BMPR2: variants seen among roughly 807,000 people sequenced by gnomAD.
BMPR2 encodes bone morphogenetic protein receptor type 2.
A neutral mutation model predicts 100.8 loss-of-function variants in BMPR2; 29 were observed. The observed-to-expected ratio is 0.29, with a 90% confidence interval of 0.21 to 0.39. The LOEUF (loss-of-function observed/expected upper bound fraction) is 0.39. BMPR2 is among the 10% of genes least tolerant of loss of function. The pLI, the probability that BMPR2 is intolerant of heterozygous loss-of-function variation, is 1.00. For synonymous variants in BMPR2, 382 were observed against 442.3 expected, an observed-to-expected ratio of 0.86 and a Z score of 1.71; for missense variants, 1,011 against 1,274.5, an observed-to-expected ratio of 0.79 and a Z score of 3.15.
intron 6 of BMPR2, 89 bp downstream of exon 6, chr2:202,519,141 C>T: frequency 7.5e-7 from 1 of 1,326,892 alleles, no homozygotes; most frequent in South Asian, 1.2e-5. Context: ...GCAGGTGGAT[C>T]ACTTGAGGCC....
At chr2:202,461,769 GA>G (rs552296062) in intron 1 of BMPR2, among the ~76,000 whole-genome samples, 1 of 151,524 alleles carries the variant, frequency 6.6e-6, no homozygotes, top group East Asian at 1.9e-4. Context: ...CTAATGATAA[GA>G]AAAAAAGAAA....
rs768641807 is a variant in BMPR2 at position 202,524,361 on chromosome 2, C to CAA, written c.967+4175_967+4176dup. On this transcript the variant is annotated intron_variant, in intron 7 of 12. Transcript: ENST00000374580. ...TGGGCGACAGATCGAGAGTCTGTCT[C>CAA]AAAAAAAAAAAAAAAACAACTACCT... Among the ~76,000 whole-genome samples the CAA allele has an allele frequency of 9.2e-4, 90 of 97,324 alleles. 1 individual carries two copies. Among genetic ancestry groups the CAA allele is most frequent in the Admixed American group, 1.6e-3 (15 of 9,272 alleles). 63.8% of individuals were successfully genotyped at this position (97,324 alleles called of 152,430 possible).
intron 1 of BMPR2, among the ~76,000 whole-genome samples, chr2:202,446,741 C>T (rs900036636): frequency 6.7e-6 from 1 of 149,128 alleles, no homozygotes; most frequent in Non-Finnish European, 1.5e-5. Flanking sequence ...GCCTCTACCT[C>T]CCAGGTTCAA....
chr2:202,386,242 C>T (rs1056757660), intron 1 of BMPR2, among the ~76,000 whole-genome samples: 1 of 152,142 alleles, frequency 6.6e-6, no homozygotes, highest in Non-Finnish European at 1.5e-5. Context: ...GACTTCTTTC[C>T]TTGAAATTCT....
chr2:202,494,127 G>T (rs1194923722), intron 3 of BMPR2, among the ~76,000 whole-genome samples: 2 of 152,158 alleles, frequency 1.3e-5, no homozygotes, highest in Non-Finnish European at 2.9e-5. Context: ...AAAACATTGA[G>T]CTCCACAATA....
At chr2:202,452,192 A>G (rs1015483825) in intron 1 of BMPR2, among the ~76,000 whole-genome samples, 3 of 152,174 alleles carry the variant, frequency 2.0e-5, no homozygotes, top group African/African-American at 7.2e-5. Flanking sequence ...GCACCAGGCA[A>G]TGACTGATCT....
chr2:202,478,641 G>A (rs2105971409), intron 3 of BMPR2, among the ~76,000 whole-genome samples: 1 of 152,310 alleles, frequency 6.6e-6, no homozygotes, highest in Non-Finnish European at 1.5e-5. Flanking sequence ...AGGCATGGCA[G>A]CTCACACCTG....
chr2:202,437,931 G>A (rs1453626027), intron 1 of BMPR2, among the ~76,000 whole-genome samples: 1 of 148,388 alleles, frequency 6.7e-6, no homozygotes, highest in Non-Finnish European at 1.5e-5. Flanking sequence ...GAGTATTAAC[G>A]TACAAATTTT....
intron 3 of BMPR2, among the ~76,000 whole-genome samples, chr2:202,477,766 G>A (rs1243927207): frequency 6.6e-6 from 1 of 151,988 alleles, no homozygotes; most frequent in African/African-American, 2.4e-5. Flanking sequence ...CAGCCTGGGC[G>A]ACAGAGTGAG....
Position 202,559,628 on chromosome 2 carries a change from G to GT in BMPR2, c.2867-66dup, listed in dbSNP as rs1688646356. 6.5e-6 allele frequency: 10 copies of GT among 1,547,186 alleles called. 1 individual carries two copies. The Admixed American group carries it at 1.8e-4, about 28-fold the overall frequency. ...AGACATTGGTTTGACCTTTTCTTGA[G>GT]TTACATCCCTTACCCGTTATTTCTT... On this transcript the variant is annotated intron_variant, in intron 12 of 12. Coordinates refer to ENST00000374580, the MANE Select transcript of BMPR2 (RefSeq NM_001204.7).
chr2:202,553,213 T>G (rs529155324), intron 11 of BMPR2, among the ~76,000 whole-genome samples: 1 of 152,294 alleles, frequency 6.6e-6, no homozygotes, highest in East Asian at 1.9e-4. Context: ...TCTATATAAA[T>G]TGTCTCATTT....
chr2:202,488,855 A>C (rs1692837854), intron 3 of BMPR2, among the ~76,000 whole-genome samples: 1 of 152,076 alleles, frequency 6.6e-6, no homozygotes, highest in Non-Finnish European at 1.5e-5. Flanking sequence ...TGTCTTGCAA[A>C]ACTGAAACTC....
chr2:202,558,327 G>A (rs181519082), intron 12 of BMPR2, among the ~76,000 whole-genome samples: 103 of 151,604 alleles, frequency 6.8e-4, no homozygotes, highest in African/African-American at 2.4e-3. Context: ...GGCCAGGCTG[G>A]TCTCGAACAC....
At chr2:202,534,669 C>T (rs1283595313) in intron 9 of BMPR2, among the ~76,000 whole-genome samples, 1 of 152,204 alleles carries the variant, frequency 6.6e-6, no homozygotes, top group Non-Finnish European at 1.5e-5. Context: ...TCTTTCTACA[C>T]AGACACGGCA....
intron 1 of BMPR2, among the ~76,000 whole-genome samples, chr2:202,404,422 C>T (rs1317926618): frequency 6.6e-6 from 1 of 152,140 alleles, no homozygotes; most frequent in Non-Finnish European, 1.5e-5. Context: ...TCTCGAGCTC[C>T]TGGCCTCAGG....
chr2:202,512,252 G>A (rs542917372), intron 3 of BMPR2, among the ~76,000 whole-genome samples: 2 of 152,280 alleles, frequency 1.3e-5, no homozygotes, highest in South Asian at 2.1e-4. Context: ...TCTAATTTGA[G>A]TATAATATGC....
At chr2:202,402,983 C>T (rs1690797563) in intron 1 of BMPR2, among the ~76,000 whole-genome samples, 1 of 151,396 alleles carries the variant, frequency 6.6e-6, no homozygotes, top group Non-Finnish European at 1.5e-5. Flanking sequence ...CATGCGCCAC[C>T]ACGCCCGGCT....
chr2:202,377,479 C>G lies in BMPR2; in HGVS notation c.5C>G (p.Thr2Ser). The change falls in exon 1 of 13, where the codon ACT becomes AGT. Residue 2 changes from threonine (T) to serine (S), a missense_variant. Transcript: ENST00000374580. MTSSLQRPWRVP... is the reference protein window; with the variant it reads MSSSLQRPWRVP... ...TGATTCTTGGCTGGCCCAGGGATGA[C>G]TTCCTCGCTGCAGCGGCCCTGGCGG... 6.2e-7 allele frequency: 1 copy of G among 1,614,284 alleles called. No homozygotes were observed.
At chr2:202,541,295 T>C (rs1351729325) in intron 9 of BMPR2, among the ~76,000 whole-genome samples, 1 of 151,896 alleles carries the variant, frequency 6.6e-6, no homozygotes, top group African/African-American at 2.4e-5. Context: ...TTTTTAAAAA[T>C]TAGCTGGGCA....
Sources: allele counts gnomAD v4.1 joint callset (sites outside exome capture counted in the v4.1 genomes callset), GRCh38; gene constraint gnomAD v4.1.1; transcripts MANE v1.5; gene names NCBI Gene and HGNC (gene_info 2026-07-23, HGNC 2026-07-21).